Variants in LRCH1 observed in about 807,000 individuals in gnomAD.
LRCH1 encodes leucine rich repeats and calponin homology domain containing 1.
In LRCH1, 23 loss-of-function variants were observed where a neutral mutation model predicts 94.9. The ratio of observed to expected loss-of-function variants is 0.24; its 90% CI spans 0.17 to 0.34. The LOEUF is 0.34. LRCH1 is among the 10% of genes least tolerant of loss of function. The pLI is 1.00. For synonymous variants in LRCH1, 364 were observed against 354.9 expected (o/e 1.03, Z -0.29); for missense variants, 790 against 945.9 (o/e 0.84, Z 2.16).
At chr13:46,572,542 A>G (rs754360997) in intron 1 of LRCH1, among the ~76,000 whole-genome samples, 1 of 152,148 alleles carries the variant, frequency 6.6e-6, no homozygotes, top group Non-Finnish European at 1.5e-5. Flanking sequence ...CAGAGTGGAC[A>G]GGGGTATAGT....
chr13:46,611,033 A>G (rs1426586195), intron 1 of LRCH1, among the ~76,000 whole-genome samples: 2 of 152,208 alleles, frequency 1.3e-5, no homozygotes, highest in Non-Finnish European at 2.9e-5. Flanking sequence ...AGTTAGAAAC[A>G]GCTCTAGAGG....
At chr13:46,668,834 T>TTA (rs1566212601) in intron 2 of LRCH1, among the ~76,000 whole-genome samples, 196 bp from the exon 3 acceptor site, 8 of 150,684 alleles carry the variant, frequency 5.3e-5, no homozygotes, top group South Asian at 2.1e-4. Flanking sequence ...TATTTTTTTT[T>TTA]AAAAAAAGAA....
At chr13:46,622,919 GCGT>G (rs1238441480) in intron 1 of LRCH1, among the ~76,000 whole-genome samples, 1 of 152,162 alleles carries the variant, frequency 6.6e-6, no homozygotes, top group Non-Finnish European at 1.5e-5. Flanking sequence ...CTTTGCTGTT[GCGT>G]CGTACTGCTC....
At chr13:46,732,878 A>G (rs7326350) in intron 18 of LRCH1, among the ~76,000 whole-genome samples, 28,729 of 152,164 alleles carry the variant, frequency 0.19, 2,959 homozygotes, top group African/African-American at 0.28. Flanking sequence ...TTTAGGGCCC[A>G]CGTGAGGGAC....
intron 8 of LRCH1, among the ~76,000 whole-genome samples, chr13:46,692,966 C>CA (rs1870980445): frequency 7.8e-6 from 1 of 128,206 alleles, no homozygotes; most frequent in South Asian, 2.5e-4. Context: ...AGATAAAATT[C>CA]TTTTTTTTTT....
Position 46,695,159 on chromosome 13 carries a change from G to A in LRCH1, c.1245+142G>A, listed in dbSNP as rs115706058. The A allele has an allele frequency of 2.0e-3, 1,964 of 959,750 alleles. 32 individuals carry two copies. The African/African-American group carries it at 0.026, about 13-fold the overall frequency. 59.5% of individuals were successfully genotyped at this position (959,750 alleles called of 1,614,324 possible). A position where few individuals can be genotyped will look rare whatever the true frequency, so the allele number is the denominator to read the frequency against. Reference sequence around the variant, plus strand: ...CCTGAAGCGTTCCAAACATCTCAGCGCTCAGCGTGTCTATTTGCTGATGTG... The same window carrying A: ...CCTGAAGCGTTCCAAACATCTCAGCACTCAGCGTGTCTATTTGCTGATGTG... On this transcript the variant is annotated intron_variant, in intron 9 of 19. Transcript: ENST00000389797.
intron 1 of LRCH1, among the ~76,000 whole-genome samples, chr13:46,584,548 T>C: frequency 6.6e-6 from 1 of 152,380 alleles, no homozygotes; most frequent in Admixed American, 6.5e-5. Flanking sequence ...CTTGTGATGT[T>C]GATGTTGCAA....
intron 19 of LRCH1, among the ~76,000 whole-genome samples, chr13:46,738,563 T>C (rs1277150606): frequency 6.6e-6 from 1 of 152,204 alleles, no homozygotes; most frequent in Non-Finnish European, 1.5e-5. Context: ...TTTTTTGTTT[T>C]AATCTTAAGA....
At chr13:46,554,088 C>G (rs945581180) in intron 1 of LRCH1, among the ~76,000 whole-genome samples, 1 of 152,248 alleles carries the variant, frequency 6.6e-6, no homozygotes, top group Non-Finnish European at 1.5e-5. Context: ...TTCCTGGGCC[C>G]CGCGCAGGGC....
chr13:46,729,107 C>G, intron 18 of LRCH1, 123 bp downstream of exon 18: 1 of 884,544 alleles, frequency 1.1e-6, no homozygotes, highest in Non-Finnish European at 1.6e-6. Flanking sequence ...GGGCCCCAAA[C>G]CATTATAAGG....
chr13:46,739,284 C>T (rs7358830), intron 19 of LRCH1, among the ~76,000 whole-genome samples: 38,876 of 151,974 alleles, frequency 0.26, 6,931 homozygotes, highest in African/African-American at 0.51. Flanking sequence ...TAACCTCTGG[C>T]GATTGTGATT....
At chr13:46,741,100 C>T (rs1331726162) in intron 19 of LRCH1, among the ~76,000 whole-genome samples, 2 of 151,974 alleles carry the variant, frequency 1.3e-5, no homozygotes, top group Non-Finnish European at 2.9e-5. Context: ...TTAGAACTAG[C>T]ATTGCCCAGA....
At chr13:46,717,939 C>G (rs1872403484) in intron 16 of LRCH1, among the ~76,000 whole-genome samples, 1 of 152,092 alleles carries the variant, frequency 6.6e-6, no homozygotes, top group South Asian at 2.1e-4. Flanking sequence ...CTCAAAGTCC[C>G]CAAAGTTCTG....
chr13:46,707,649 C>T (rs1871834956), intron 13 of LRCH1, among the ~76,000 whole-genome samples: 1 of 152,128 alleles, frequency 6.6e-6, no homozygotes, highest in South Asian at 2.1e-4. Flanking sequence ...TATATCCCCT[C>T]CATTTTTAAT....
At chr13:46,606,146 T>TTGTGTGTGTGTGTGTGTG (rs1555272309) in intron 1 of LRCH1, among the ~76,000 whole-genome samples, 7 of 103,868 alleles carry the variant, frequency 6.7e-5, no homozygotes, top group African/African-American at 2.5e-4. Flanking sequence ...AATTTTAACC[T>TTGTGTGTGTGTGTGTGTG]TATGTGTGTG....
chr13:46,672,466 C>T lies in LRCH1; in HGVS notation c.579+3310C>T, dbSNP rs938132002. Among the ~76,000 whole-genome samples the T allele has an allele frequency of 2.6e-5, 4 of 152,224 alleles. No homozygotes were observed. The East Asian group carries it at 5.8e-4, about 22-fold the overall frequency. ...CTTGGGTGTAAATGACACCGCATGC[C>T]TTCCATCAGCTGTGCTCTAGAGCTG... On this transcript the variant is annotated intron_variant, in intron 3 of 19. Coordinates refer to ENST00000389797, the MANE Select transcript of LRCH1 (RefSeq NM_001164211.2).
chr13:46,705,612 G>A (rs1871719989), intron 13 of LRCH1: 1 of 505,722 alleles, frequency 2.0e-6, no homozygotes, highest in Non-Finnish European at 3.6e-6. Context: ...GAATCTGCCT[G>A]TGTGTCAGAA....
intron 1 of LRCH1, among the ~76,000 whole-genome samples, chr13:46,619,272 G>C (rs2050852274): frequency 6.6e-6 from 1 of 151,968 alleles, no homozygotes; most frequent in Non-Finnish European, 1.5e-5. Flanking sequence ...CACTACGCCT[G>C]GCTAATTTTT....
intron 1 of LRCH1, among the ~76,000 whole-genome samples, chr13:46,630,071 A>G (rs1007418612): frequency 6.6e-6 from 1 of 152,228 alleles, no homozygotes; most frequent in Non-Finnish European, 1.5e-5. Flanking sequence ...AACAATTTTG[A>G]TGTCAATGGA....
Sources: allele counts gnomAD v4.1 joint callset (sites outside exome capture counted in the v4.1 genomes callset), GRCh38; gene constraint gnomAD v4.1.1; transcripts MANE v1.5; gene names NCBI Gene and HGNC (gene_info 2026-07-23, HGNC 2026-07-21).